SLC25A13: variants seen among roughly 807,000 people sequenced by gnomAD.
The protein encoded by SLC25A13 is electrogenic aspartate/glutamate antiporter SLC25A13, mitochondrial.
SLC25A13 carries 70 observed loss-of-function variants against 85.5 expected under a neutral mutation model. That is an observed-to-expected ratio of 0.82 (90% confidence interval 0.68 to 1.00). The LOEUF (loss-of-function observed/expected upper bound fraction) is 1.00, where lower values mean the gene tolerates loss of function less well. Ranked by LOEUF, SLC25A13 falls within the 50% of genes least tolerant of loss-of-function variation. The pLI is 0.00. For missense variants in SLC25A13, 765 were observed against 819.8 expected (o/e 0.93, Z 0.82); for synonymous variants, 259 against 288.7 (o/e 0.90, Z 1.04).
intron 4 of SLC25A13, chr7:96,219,577 A>T: frequency 2.3e-6 from 1 of 441,980 alleles, no homozygotes; most frequent in Non-Finnish European, 4.7e-6. Flanking sequence ...AACTATACTC[A>T]GCCATTGTTC....
intron 13 of SLC25A13, among the ~76,000 whole-genome samples, chr7:96,164,711 T>TACACACACAC (rs56377235): frequency 0.024 from 3,468 of 143,102 alleles, 68 homozygotes; most frequent in East Asian, 0.067. Context: ...GGATTAACTT[T>TACACACACAC]ACACACACAC....
chr7:96,274,012 G>C (rs1562894385), intron 3 of SLC25A13, among the ~76,000 whole-genome samples: 1 of 152,124 alleles, frequency 6.6e-6, no homozygotes, highest in Non-Finnish European at 1.5e-5. Flanking sequence ...ACCAAGCAAA[G>C]AATCCCCCTT....
chr7:96,160,286 T>G (rs1793456123), intron 13 of SLC25A13, among the ~76,000 whole-genome samples: 1 of 152,160 alleles, frequency 6.6e-6, no homozygotes, highest in Non-Finnish European at 1.5e-5. Context: ...AGAAAGGAAG[T>G]ATCTGGCTGG....
intron 13 of SLC25A13, among the ~76,000 whole-genome samples, chr7:96,150,073 C>T (rs1792970850): frequency 6.6e-6 from 1 of 151,894 alleles, no homozygotes; most frequent in South Asian, 2.1e-4. Flanking sequence ...CTCAGTGTGG[C>T]ATATTATATT....
chr7:96,170,168 A>G lies in SLC25A13; in HGVS notation c.1231-43T>C, dbSNP rs374945208. 1.3e-5 allele frequency: 20 copies of G among 1,547,300 alleles called. No homozygotes were observed. The African/African-American group carries it at 2.0e-4, about 16-fold the overall frequency. ...ATAGAAGCTGATGAAAAATATAAAGAAAGTCATTAAACACTTATAAATATG... is the reference window on the plus strand; with the variant it reads ...ATAGAAGCTGATGAAAAATATAAAGGAAGTCATTAAACACTTATAAATATG... On this transcript the variant is annotated intron_variant, in intron 12 of 17. Coordinates refer to ENST00000265631, the MANE Select transcript of SLC25A13 (RefSeq NM_014251.3).
intron 4 of SLC25A13, among the ~76,000 whole-genome samples, chr7:96,221,531 CTT>C (rs1562854669): frequency 2.0e-5 from 3 of 152,174 alleles, no homozygotes. Flanking sequence ...CCTCAGCTAT[CTT>C]TTCGAATATT....
intron 14 of SLC25A13, among the ~76,000 whole-genome samples, chr7:96,145,115 TG>T (rs1215332840): frequency 6.6e-6 from 1 of 152,206 alleles, no homozygotes; most frequent in African/African-American, 2.4e-5. Context: ...TGTGTTATAT[TG>T]TAGAATCACA....
At position 96,191,132 on chromosome 7, in the gene SLC25A13, C is replaced by T; in HGVS notation, c.731G>A (p.Arg244Lys). ...ACCCTTAGTCACTTCAACATCTTTC[C>T]TGGTGCCAGCCAGAGTGCTATAGAT... ...RKIYSTLAGTRKDVEVTKEEF... is the reference protein window; with the variant it reads ...RKIYSTLAGTKKDVEVTKEEF... The change falls in exon 7 of 18, where the codon AGG becomes AAG. Residue 244 changes from arginine to lysine, a missense_variant. By Grantham distance (26) the Arg-to-Lys change is conservative (BLOSUM62 2). Coordinates refer to ENST00000265631, the MANE Select transcript of SLC25A13 (RefSeq NM_014251.3). The T allele has an allele frequency of 1.2e-6, 2 of 1,614,084 alleles. No individual in the cohort carries two copies. The highest frequency in any genetic ancestry group is 8.5e-7 in the Non-Finnish European group (1 of 1,180,004).
At chr7:96,183,490 T>C (rs1027434550) in intron 11 of SLC25A13, among the ~76,000 whole-genome samples, 1 of 152,140 alleles carries the variant, frequency 6.6e-6, no homozygotes, top group African/African-American at 2.4e-5. Context: ...GCTGCCAAAT[T>C]ATAAAGCAGC....
At chr7:96,125,309 C>A (rs1791680287) in intron 15 of SLC25A13, among the ~76,000 whole-genome samples, 1 of 152,138 alleles carries the variant, frequency 6.6e-6, no homozygotes, top group Non-Finnish European at 1.5e-5. Flanking sequence ...CCAGGCTGGT[C>A]TCGAACTCCT....
intron 3 of SLC25A13, among the ~76,000 whole-genome samples, chr7:96,271,704 T>C (rs1203712337): frequency 2.0e-5 from 3 of 152,098 alleles, no homozygotes; most frequent in African/African-American, 7.2e-5. Flanking sequence ...ACACATTATG[T>C]TATACTATAT....
chr7:96,264,060 T>C (rs772861277), intron 3 of SLC25A13, among the ~76,000 whole-genome samples: 1 of 152,064 alleles, frequency 6.6e-6, no homozygotes, highest in South Asian at 2.1e-4. Flanking sequence ...AAATCTATAG[T>C]CTATCATCAT....
intron 14 of SLC25A13, among the ~76,000 whole-genome samples, chr7:96,145,179 C>A (rs1792730538): frequency 1.3e-5 from 2 of 152,070 alleles, no homozygotes; most frequent in African/African-American, 4.8e-5. Flanking sequence ...TTCCTAAGTA[C>A]CACATATGCC....
At chr7:96,189,855 C>T (rs992512644) in intron 7 of SLC25A13, among the ~76,000 whole-genome samples, 181 bp from the exon 8 acceptor site, 1 of 152,092 alleles carries the variant, frequency 6.6e-6, no homozygotes, top group Admixed American at 6.5e-5. Context: ...ATTTGGAAAG[C>T]GTGTGCAGAA....
chr7:96,248,856 T>G (rs935825495), intron 3 of SLC25A13, among the ~76,000 whole-genome samples: 1 of 152,242 alleles, frequency 6.6e-6, no homozygotes, highest in Non-Finnish European at 1.5e-5. Context: ...ATTGCATCTC[T>G]GACACCTCCA....
intron 1 of SLC25A13, among the ~76,000 whole-genome samples, chr7:96,302,918 C>G (rs1799604029): frequency 6.6e-6 from 1 of 152,144 alleles, no homozygotes. Context: ...AGTTTAAGAA[C>G]CACAGCTTTA....
chr7:96,193,574 AG>A (rs1484262322), intron 5 of SLC25A13, among the ~76,000 whole-genome samples: 3 of 152,374 alleles, frequency 2.0e-5, no homozygotes, highest in African/African-American at 7.2e-5. Flanking sequence ...TTCTCTCCAA[AG>A]AAAAGAGAAA....
chr7:96,283,002 G>A (rs562576555), intron 2 of SLC25A13, among the ~76,000 whole-genome samples: 1 of 152,062 alleles, frequency 6.6e-6, no homozygotes, highest in Non-Finnish European at 1.5e-5. Context: ...GAACACTTCC[G>A]TGTTCCCACC....
At chr7:96,180,975 A>G (rs1346858861) in intron 11 of SLC25A13, among the ~76,000 whole-genome samples, 1 of 152,246 alleles carries the variant, frequency 6.6e-6, no homozygotes, top group Non-Finnish European at 1.5e-5. Context: ...AAGAATTTTA[A>G]AAGTGACTTC....
Sources: allele counts gnomAD v4.1 joint callset (sites outside exome capture counted in the v4.1 genomes callset), GRCh38; gene constraint gnomAD v4.1.1; transcripts MANE v1.5; gene names NCBI Gene and HGNC (gene_info 2026-07-23, HGNC 2026-07-21).